CYP7B1: variants seen among roughly 807,000 people sequenced by gnomAD.
CYP7B1 encodes cytochrome P450 7B1.
In CYP7B1, 29 loss-of-function variants were observed where a neutral mutation model predicts 42.7. The ratio of observed to expected loss-of-function variants is 0.68; its 90% CI spans 0.51 to 0.93. The LOEUF (loss-of-function observed/expected upper bound fraction) is 0.93. CYP7B1 is among the 40% of genes least tolerant of loss of function. The pLI is 0.00. For synonymous variants in CYP7B1, 235 were observed against 218.2 expected (o/e 1.08, Z -0.68); for missense variants, 655 against 600.5 (o/e 1.09, Z -0.95).
chr8:64,770,631 CAAAT>C (rs1804206951), intron 1 of CYP7B1, among the ~76,000 whole-genome samples: 1 of 152,086 alleles, frequency 6.6e-6, no homozygotes, highest in South Asian at 2.1e-4. Context: ...ACAAACAACA[CAAAT>C]AAAAACCCAA....
Position 64,621,534 on chromosome 8 carries a change from G to A in CYP7B1, c.259+2869C>T, listed in dbSNP as rs148770892. Reference sequence around the variant, plus strand: ...ACCCAGAGGCCCCACCAGGTATGGCGTGTGAGGAGGAAATTTCAAACAACA... The same window carrying A: ...ACCCAGAGGCCCCACCAGGTATGGCATGTGAGGAGGAAATTTCAAACAACA... On this transcript the variant is annotated intron_variant, in intron 2 of 5. Transcript: ENST00000310193. Among the ~76,000 whole-genome samples, 30 of 152,246 alleles carry A rather than the reference G, an allele frequency of 2.0e-4. No homozygotes were observed. The East Asian group carries it at 4.3e-3, about 22-fold the overall frequency.
intron 4 of CYP7B1, among the ~76,000 whole-genome samples, chr8:64,606,821 C>T (rs1437573729): frequency 6.6e-6 from 1 of 152,156 alleles, no homozygotes; most frequent in East Asian, 1.9e-4. Flanking sequence ...GCGTTATTAT[C>T]AACAATGGAG....
chr8:64,644,143 C>T (rs188213214), intron 1 of CYP7B1, among the ~76,000 whole-genome samples: 20 of 152,044 alleles, frequency 1.3e-4, no homozygotes, highest in African/African-American at 4.8e-4. Context: ...TGTGGTGGTG[C>T]ACACCTGTAG....
chr8:64,717,733 G>C (rs1232670221), intron 1 of CYP7B1, among the ~76,000 whole-genome samples: 4 of 152,020 alleles, frequency 2.6e-5, no homozygotes, highest in African/African-American at 9.7e-5. Flanking sequence ...CATGCCTCTA[G>C]CTACTCAGGA....
At position 64,596,165 on chromosome 8, in the gene CYP7B1, G is replaced by C. The variant is rs1216237568; in HGVS notation, c.*477C>G. 1.2e-5 allele frequency: 2 copies of C among 165,002 alleles called. No homozygotes were observed. The highest frequency in any genetic ancestry group is 4.8e-5 in the African/African-American group (2 of 41,580). The allele number at this position is 165,002 out of a possible 1,614,324, so 10.2% of individuals were successfully genotyped here. On this transcript the variant is annotated 3_prime_UTR_variant, in exon 6 of 6. Coordinates refer to ENST00000310193, the MANE Select transcript of CYP7B1 (RefSeq NM_004820.5). ...GGTATTATTAATATTATACTTGAAG[G>C]GAACATTTTCATCCAGTGTAACTCA...
chr8:64,673,447 T>G (rs1806396885), intron 1 of CYP7B1, among the ~76,000 whole-genome samples: 1 of 152,122 alleles, frequency 6.6e-6, no homozygotes, highest in Non-Finnish European at 1.5e-5. Context: ...TATGCTCCCC[T>G]GCTCTGGACT....
intron 1 of CYP7B1, among the ~76,000 whole-genome samples, chr8:64,651,630 G>A (rs907152285): frequency 6.6e-6 from 1 of 152,126 alleles, no homozygotes; most frequent in Non-Finnish European, 1.5e-5. Context: ...AAGGTGATTA[G>A]GTCATGAAGG....
chr8:64,711,782 G>T (rs1450562647), intron 1 of CYP7B1, among the ~76,000 whole-genome samples: 1 of 152,090 alleles, frequency 6.6e-6, no homozygotes, highest in East Asian at 1.9e-4. Flanking sequence ...GTCTTGCTCA[G>T]AAAGATATCT....
intron 2 of CYP7B1, among the ~76,000 whole-genome samples, chr8:64,618,405 T>G (rs1366061893): frequency 6.6e-6 from 1 of 151,950 alleles, no homozygotes; most frequent in African/African-American, 2.4e-5. Context: ...ATATTTTGAA[T>G]TTTTTCCTAC....
At chr8:64,690,226 A>G (rs1806718402) in intron 1 of CYP7B1, among the ~76,000 whole-genome samples, 2 of 152,156 alleles carry the variant, frequency 1.3e-5, no homozygotes, top group Admixed American at 1.3e-4. Flanking sequence ...GCAAAATCCC[A>G]TCTCTACAAA....
intron 1 of CYP7B1, among the ~76,000 whole-genome samples, chr8:64,767,420 C>T (rs1804116736): frequency 6.6e-6 from 1 of 152,158 alleles, no homozygotes; most frequent in Non-Finnish European, 1.5e-5. Context: ...ATAGAAGGAC[C>T]CCTAGTATGG....
intron 1 of CYP7B1, among the ~76,000 whole-genome samples, chr8:64,649,306 A>T (rs1425015575): frequency 6.6e-6 from 1 of 152,172 alleles, no homozygotes; most frequent in African/African-American, 2.4e-5. Flanking sequence ...GAAATTATAC[A>T]GTATTTGTCT....
At chr8:64,792,062 C>T (rs1004930271) in intron 1 of CYP7B1, among the ~76,000 whole-genome samples, 1 of 152,068 alleles carries the variant, frequency 6.6e-6, no homozygotes, top group Non-Finnish European at 1.5e-5. Flanking sequence ...AAATGAAGAA[C>T]TAAGGAATGT....
At chr8:64,630,701 G>A (rs540198313) in intron 1 of CYP7B1, among the ~76,000 whole-genome samples, 86 of 152,304 alleles carry the variant, frequency 5.6e-4, no homozygotes, top group African/African-American at 1.9e-3. Flanking sequence ...CTTCAGATGA[G>A]CAGGCAAAAA....
chr8:64,706,650 C>T (rs34562034), intron 1 of CYP7B1, among the ~76,000 whole-genome samples: 1 of 151,734 alleles, frequency 6.6e-6, no homozygotes, highest in Non-Finnish European at 1.5e-5. Flanking sequence ...CATTTCATCC[C>T]TTATTAAAAA....
intron 1 of CYP7B1, among the ~76,000 whole-genome samples, chr8:64,672,068 C>G (rs1299284267): frequency 6.6e-6 from 1 of 151,978 alleles, no homozygotes; most frequent in Admixed American, 6.6e-5. Context: ...TTGTTCCTTC[C>G]ATAGATCTTG....
At chr8:64,641,049 T>C (rs556142744) in intron 1 of CYP7B1, among the ~76,000 whole-genome samples, 2 of 152,308 alleles carry the variant, frequency 1.3e-5, no homozygotes, top group East Asian at 3.9e-4. Context: ...CACTTAGCCA[T>C]TGTGATTCAT....
chr8:64,766,906 T>G (rs962166860), intron 1 of CYP7B1, among the ~76,000 whole-genome samples: 2 of 152,152 alleles, frequency 1.3e-5, no homozygotes, highest in Non-Finnish European at 2.9e-5. Flanking sequence ...TACAGCCTTC[T>G]CAGTCTTACT....
intron 1 of CYP7B1, among the ~76,000 whole-genome samples, chr8:64,709,081 C>T (rs942083626): frequency 6.6e-6 from 1 of 152,122 alleles, no homozygotes; most frequent in Admixed American, 6.6e-5. Flanking sequence ...AGAAAGGGGC[C>T]GCAGTGCAGG....
Sources: allele counts gnomAD v4.1 joint callset (sites outside exome capture counted in the v4.1 genomes callset), GRCh38; gene constraint gnomAD v4.1.1; transcripts MANE v1.5; gene names NCBI Gene and HGNC (gene_info 2026-07-23, HGNC 2026-07-21).